Variants in TRAFD1 observed in about 807,000 individuals in gnomAD.
TRAFD1 encodes TRAF-type zinc finger domain containing 1, also known as TRAF-type zinc finger domain-containing protein 1.
Under a neutral mutation model 65.3 loss-of-function variants are expected in TRAFD1, and 38 were observed. The ratio of observed to expected loss-of-function variants is 0.58; its 90% confidence interval spans 0.45 to 0.76. The LOEUF (loss-of-function observed/expected upper bound fraction) is 0.76, where lower values mean the gene tolerates loss of function less well. Among genes scored for constraint, TRAFD1 ranks in the 30% least tolerant of loss-of-function variants. The pLI is 0.00. For missense variants in TRAFD1, 631 were observed against 712.6 expected (o/e 0.89, Z 1.30); for synonymous variants, 223 against 257.2 (o/e 0.87, Z 1.27).
intron 2 of TRAFD1, chr12:112,133,217 AG>A (rs1267441218): frequency 3.9e-5 from 6 of 152,208 alleles, no homozygotes; most frequent in Non-Finnish European, 7.3e-5. Context: ...GGTGGAGGAA[AG>A]GGTTCAGGAT....
At chr12:112,132,879 G>A (rs757197003) in intron 2 of TRAFD1, among the ~76,000 whole-genome samples, 4 of 152,112 alleles carry the variant, frequency 2.6e-5, no homozygotes, top group Non-Finnish European at 4.4e-5. Flanking sequence ...GCAAAATATG[G>A]TATTAAATAA....
intron 1 of TRAFD1, among the ~76,000 whole-genome samples, chr12:112,129,998 G>A: frequency 6.6e-6 from 1 of 151,722 alleles, no homozygotes; most frequent in African/African-American, 2.4e-5. Flanking sequence ...CACCCAGGCT[G>A]GAGTGCAGTG....
At chr12:112,151,314 T>A (rs1357703275) in intron 9 of TRAFD1, among the ~76,000 whole-genome samples, 1 of 152,114 alleles carries the variant, frequency 6.6e-6, no homozygotes. Context: ...AGGACTCAGA[T>A]AATATGTGCA....
intron 2 of TRAFD1, among the ~76,000 whole-genome samples, chr12:112,133,710 T>C (rs1381195415): frequency 6.7e-6 from 1 of 150,294 alleles, no homozygotes. Flanking sequence ...TTTAGTTCTT[T>C]TTTTTTTTTT....
chr12:112,151,986 T>C lies in TRAFD1; in HGVS notation c.1465T>C (p.Ser489Pro), dbSNP rs1190724248. 6.2e-7 allele frequency: 1 copy of C among 1,614,166 alleles called. No homozygotes were observed. The highest frequency in any genetic ancestry group is 8.5e-7 in the Non-Finnish European group (1 of 1,180,030). ...SSPCVPKLSNSDSQDIQGRNR... is the reference protein window; with the variant it reads ...SSPCVPKLSNPDSQDIQGRNR... The stretch of plus-strand genomic sequence containing the variant: ...TCCTTGTGTGCCGAAGCTCAGCAAC[T>C]CAGACAGCCAGGACATCCAGGGGCG... The change falls in exon 10 of 12, where the codon TCA (serine) becomes CCA (proline). Residue 489 changes from serine (S) to proline (P), a missense_variant. Transcript: ENST00000412615.
chr12:112,127,402 G>T (rs2079544544), intron 1 of TRAFD1, among the ~76,000 whole-genome samples: 1 of 152,132 alleles, frequency 6.6e-6, no homozygotes, highest in Non-Finnish European at 1.5e-5. Context: ...CTTTATCAGA[G>T]ACTATATTTC....
chr12:112,142,918 A>G (rs75882759), intron 6 of TRAFD1, among the ~76,000 whole-genome samples: 1 of 143,002 alleles, frequency 7.0e-6, no homozygotes, highest in East Asian at 2.1e-4. Context: ...TATTCTGAAC[A>G]TTTTTTTTTT....
In TRAFD1 at chr12:112,130,606, G is replaced by A. The variant is rs1336871640; in HGVS notation, c.47+37G>A. ...AATCTAAGAAATGTTAGTGGAATGA[G>A]GACAGTCAAGCTTAATCACTATCAT... On this transcript the variant is annotated intron_variant, in intron 2 of 11. Coordinates refer to ENST00000412615, the MANE Select transcript of TRAFD1 (RefSeq NM_006700.3). This position sits in a 1 kb window ranked among gnomAD's most constrained non-coding sequence, Gnocchi z 4.4. The A allele has an allele frequency of 6.4e-7, 1 of 1,574,082 alleles. No individual in the cohort carries two copies. The highest frequency in any genetic ancestry group is 2.2e-5 in the East Asian group (1 of 44,498).
intron 2 of TRAFD1, 84 bp from the exon 3 acceptor site, chr12:112,134,652 GAC>G (rs2079586522): frequency 6.7e-7 from 1 of 1,483,448 alleles, no homozygotes. Context: ...GATTGGACAG[GAC>G]AGATTTCCAT....
intron 8 of TRAFD1, 119 bp from the exon 9 acceptor site, chr12:112,149,604 ATGTGTGGTTTCTGAAAGTTCCCAGAACT>A: frequency 2.0e-6 from 2 of 985,458 alleles, no homozygotes; most frequent in Non-Finnish European, 3.0e-6. Flanking sequence ...ACCATTCCAG[ATGTGTGGTTTCTGAAAGTTCCCAGAACT>A]TTCAGAGGTT....
rs759122338 is a variant in TRAFD1 at position 112,145,631 on chromosome 12, T to C, written c.896T>C (p.Leu299Pro). 6.2e-7 allele frequency: 1 copy of C among 1,614,182 alleles called. No individual in the cohort carries two copies. Among genetic ancestry groups the C allele is most frequent in the Non-Finnish European group, 8.5e-7 (1 of 1,180,036 alleles). Residue 299 changes from leucine (L) to proline (P), a missense_variant, in exon 7 of 12, where the codon CTC (leucine) becomes CCC (proline). Physicochemically the swap from Leu to Pro is moderately conservative, Grantham distance 98. Transcript: ENST00000412615. ...IMLPCEFCEE[L>P]YPEELLIDHQ... ...TTGCCTTGTGAATTTTGTGAGGAGC[T>C]CTACCCAGAGGAACTGCTGATTGAC... is the stretch of plus-strand genomic sequence containing the variant.
intron 6 of TRAFD1, among the ~76,000 whole-genome samples, chr12:112,143,244 C>T (rs2030141187): frequency 6.6e-6 from 1 of 152,104 alleles, no homozygotes; most frequent in African/African-American, 2.4e-5. Flanking sequence ...TACACCCGGC[C>T]AATTTTTTGT....
At chr12:112,138,235 G>T (rs2029973815) in intron 4 of TRAFD1, among the ~76,000 whole-genome samples, 1 of 151,768 alleles carries the variant, frequency 6.6e-6, no homozygotes, top group South Asian at 2.1e-4. Flanking sequence ...GTAAGACCCT[G>T]TTTCAAAAAA....
chr12:112,130,474 G>C lies in TRAFD1; in HGVS notation c.-12-37G>C, dbSNP rs371026890. ...TGCATGTCATCTTTAAAGCAGAAATGAAAGAGAAAGTTCATGTCTTCCTTT... is the reference window on the plus strand; with the variant it reads ...TGCATGTCATCTTTAAAGCAGAAATCAAAGAGAAAGTTCATGTCTTCCTTT... On this transcript the variant is annotated intron_variant, in intron 1 of 11. Transcript: ENST00000412615. The surrounding 1 kb of genome is among the most constrained non-coding windows in gnomAD (Gnocchi z 4.4). 11 of 1,552,958 alleles carry C rather than the reference G, an allele frequency of 7.1e-6. No homozygotes were observed. The African/African-American group carries it at 1.5e-4, about 21-fold the overall frequency.
At position 112,134,872 on chromosome 12, in the gene TRAFD1, A is replaced by G; in HGVS notation, c.182A>G (p.Gln61Arg). ...METHMAAEHCQVTCKCNKKLE... is the reference protein window; with the variant it reads ...METHMAAEHCRVTCKCNKKLE... ...ACTCACATGGCTGCAGAACACTGTC[A>G]GGTGAGCCACCAAGTACTCAAATGT... The change falls in exon 3 of 12, where the codon CAG becomes CGG. Residue 61 changes from glutamine (Q) to arginine (R), a missense_variant and splice_region_variant. Gln to Arg is a conservative substitution (Grantham distance 43). Coordinates refer to ENST00000412615, the MANE Select transcript of TRAFD1 (RefSeq NM_006700.3). 5 of 1,612,646 alleles carry G rather than the reference A, an allele frequency of 3.1e-6. No homozygotes were observed. Among genetic ancestry groups the G allele is most frequent in the Non-Finnish European group, 4.2e-6 (5 of 1,178,614 alleles).
Position 112,142,065 on chromosome 12 carries a change from TGTTG to T in TRAFD1, c.644-16_644-13del. ...GGTAACATTTCTAATGTATCCTGAA[TGTTG>T]GTTGGTTTTTTTTTTTCAGTTGAAG... On this transcript the variant is annotated intron_variant, in intron 5 of 11. Coordinates refer to ENST00000412615, the MANE Select transcript of TRAFD1 (RefSeq NM_006700.3). The T allele has an allele frequency of 1.2e-6, 2 of 1,610,332 alleles. No individual in the cohort carries two copies. The highest frequency in any genetic ancestry group is 1.7e-6 in the Non-Finnish European group (2 of 1,177,542).
intron 1 of TRAFD1, among the ~76,000 whole-genome samples, chr12:112,129,087 A>G (rs2079554734): frequency 6.6e-6 from 1 of 151,508 alleles, no homozygotes; most frequent in South Asian, 2.1e-4. Context: ...AGAGAAGGAA[A>G]GACTGAAGAA....
At chr12:112,151,706 G>A in intron 9 of TRAFD1, 95 bp from the exon 10 acceptor site, 4 of 1,269,178 alleles carry the variant, frequency 3.2e-6, no homozygotes, top group Non-Finnish European at 3.3e-6. Context: ...CTGAGCAGTT[G>A]TCTTCTATCT....
intron 6 of TRAFD1, among the ~76,000 whole-genome samples, chr12:112,143,926 C>T (rs2030162785): frequency 6.6e-6 from 1 of 151,648 alleles, no homozygotes; most frequent in African/African-American, 2.4e-5. Context: ...TGGTTCCTTA[C>T]CATGTTGCCC....
Sources: allele counts gnomAD v4.1 joint callset (sites outside exome capture counted in the v4.1 genomes callset), GRCh38; gene constraint gnomAD v4.1.1; non-coding constraint Gnocchi (gnomAD v3.1); transcripts MANE v1.5; gene names NCBI Gene and HGNC (gene_info 2026-07-23, HGNC 2026-07-21).